PALS1: variants seen among roughly 807,000 people sequenced by gnomAD.
The protein encoded by PALS1 is protein PALS1.
Under a neutral mutation model 78.9 loss-of-function variants are expected in PALS1, and 31 were observed. That is an observed-to-expected ratio of 0.39 (90% confidence interval 0.30 to 0.53). The LOEUF is 0.53. PALS1 is among the 20% of genes least tolerant of loss of function. The pLI is 0.67. For missense variants in PALS1, 704 were observed against 826.5 expected, an observed-to-expected ratio of 0.85 and a Z score of 1.82; for synonymous variants, 276 against 270.9, an observed-to-expected ratio of 1.02 and a Z score of -0.18.
intron 11 of PALS1, 98 bp from the exon 12 acceptor site, chr14:67,320,132 G>C: frequency 9.6e-7 from 1 of 1,044,912 alleles, no homozygotes; most frequent in South Asian, 1.9e-5. Context: ...ACAATAAATT[G>C]TGCTTTTGTC....
intron 8 of PALS1, among the ~76,000 whole-genome samples, chr14:67,305,219 T>C (rs1426225910): frequency 6.6e-6 from 1 of 152,202 alleles, no homozygotes; most frequent in East Asian, 1.9e-4. Context: ...CTTACTTATC[T>C]ACAATAATCC....
At chr14:67,291,399 C>T (rs973303831) in intron 3 of PALS1, among the ~76,000 whole-genome samples, 2 of 151,896 alleles carry the variant, frequency 1.3e-5, no homozygotes, top group South Asian at 2.1e-4. Context: ...GGTTCTCCTG[C>T]CTCGCCTCCG....
intron 14 of PALS1, among the ~76,000 whole-genome samples, chr14:67,327,189 T>G (rs2085371301): frequency 6.6e-6 from 1 of 152,128 alleles, no homozygotes; most frequent in Admixed American, 6.5e-5. Context: ...AGAAAAAATT[T>G]TTTTTGAGCT....
chr14:67,332,376 G>T (rs1242542758), intron 14 of PALS1, among the ~76,000 whole-genome samples: 1 of 152,176 alleles, frequency 6.6e-6, no homozygotes, highest in African/African-American at 2.4e-5. Flanking sequence ...TGGCATTTTA[G>T]GTCCTTGCTC....
At chr14:67,324,986 G>C (rs1422582492) in intron 14 of PALS1, among the ~76,000 whole-genome samples, 3 of 139,184 alleles carry the variant, frequency 2.2e-5, no homozygotes, top group Non-Finnish European at 4.5e-5. Flanking sequence ...CTGACTGCAA[G>C]CTCCGCCTCC....
rs61990940 is a variant in PALS1 at position 67,303,519 on chromosome 14, C to T, written c.964-3C>T. 3 of 1,607,878 alleles carry T rather than the reference C, an allele frequency of 1.9e-6. No individual in the cohort carries two copies. The highest frequency in any genetic ancestry group is 2.6e-6 in the Non-Finnish European group (3 of 1,174,350). ...AAAAAATAACCTGATCTTTCTATTACAGTCTGATATGCATGGTACTTTGAC... is the reference window on the plus strand; with the variant it reads ...AAAAAATAACCTGATCTTTCTATTATAGTCTGATATGCATGGTACTTTGAC... On this transcript the variant is annotated splice_polypyrimidine_tract_variant and splice_region_variant and intron_variant, in intron 7 of 14. Coordinates refer to ENST00000261681, the MANE Select transcript of PALS1 (RefSeq NM_022474.4).
At position 67,292,544 on chromosome 14, in the gene PALS1, T is replaced by C. The variant is rs781180972; in HGVS notation, c.401T>C (p.Ile134Thr). The C allele has an allele frequency of 3.7e-6, 6 of 1,613,218 alleles. No individual in the cohort carries two copies. The highest frequency in any genetic ancestry group is 5.1e-6 in the Non-Finnish European group (6 of 1,179,286). ...GACTTGTTTTCTTCACTTAAACATA[T>C]CCAACATACTTTGGTAGATTCTCAG... ...IEDLFSSLKH[I>T]QHTLVDSQSQ... is the part of the protein sequence containing the mutation. The change falls in exon 4 of 15, where the codon ATC (isoleucine) becomes ACC (threonine). Residue 134 changes from isoleucine to threonine, a missense_variant. By Grantham distance (89) the Ile-to-Thr change is moderately conservative. Coordinates refer to ENST00000261681, the MANE Select transcript of PALS1 (RefSeq NM_022474.4).
At chr14:67,246,036 CTT>C (rs899747816) in intron 1 of PALS1, among the ~76,000 whole-genome samples, 24 of 151,992 alleles carry the variant, frequency 1.6e-4, no homozygotes, top group African/African-American at 5.8e-4. Flanking sequence ...CCTCTTGTCT[CTT>C]TGTCAAAAGC....
Position 67,257,598 on chromosome 14 carries a change from T to TA in PALS1, c.-236-12093dup, listed in dbSNP as rs937316883. ...TCATAATAAATGCTCAACAGATAAC[T>TA]AAAAAAAAAAGAAATGGCATGTATG... On this transcript the variant is annotated intron_variant, in intron 1 of 14. Transcript: ENST00000261681. Among the ~76,000 whole-genome samples, 36 of 145,654 alleles carry TA rather than the reference T, an allele frequency of 2.5e-4. 1 individual carries two copies. Among genetic ancestry groups the TA allele is most frequent in the South Asian group, 4.3e-4 (2 of 4,608 alleles).
chr14:67,293,329 G>A (rs2084801400), intron 4 of PALS1, among the ~76,000 whole-genome samples: 1 of 151,988 alleles, frequency 6.6e-6, no homozygotes, highest in Non-Finnish European at 1.5e-5. Flanking sequence ...TCCTGTTTTG[G>A]GGAGTAGACA....
At chr14:67,293,905 A>G (rs1396477058) in intron 4 of PALS1, among the ~76,000 whole-genome samples, 3 of 152,180 alleles carry the variant, frequency 2.0e-5, no homozygotes, top group Non-Finnish European at 4.4e-5. Flanking sequence ...TGAGAGAAGC[A>G]AGACAGATCA....
rs981532846 is a variant in PALS1, at chr14:67,332,688, G to A, written c.1852-92G>A. 9 of 1,269,656 alleles carry A rather than the reference G, an allele frequency of 7.1e-6. No individual in the cohort carries two copies. The African/African-American group carries it at 1.1e-4, about 15-fold the overall frequency. The allele number at this position is 1,269,656 out of a possible 1,614,324, so 78.6% of individuals were successfully genotyped here. A position where few individuals can be genotyped will look rare whatever the true frequency, so the allele number is the denominator to read the frequency against. On this transcript the variant is annotated intron_variant, in intron 14 of 14. Transcript: ENST00000261681. ...GGAGAGACAGAAGGAAAGCTATGAA[G>A]GTCGCTCCTTGTTCTTTGGCCATCT...
chr14:67,297,717 TG>T (rs1332706976), intron 4 of PALS1, among the ~76,000 whole-genome samples: 3 of 152,204 alleles, frequency 2.0e-5, no homozygotes, highest in Admixed American at 6.5e-5. Flanking sequence ...AGTGTCTATG[TG>T]GGTAATAAAG....
At chr14:67,256,571 G>A (rs7151684) in intron 1 of PALS1, among the ~76,000 whole-genome samples, 23,395 of 151,710 alleles carry the variant, frequency 0.15, 3,391 homozygotes, top group East Asian at 0.42. Context: ...TTTTTGAGAT[G>A]GAGTCTCGCT....
intron 1 of PALS1, among the ~76,000 whole-genome samples, chr14:67,252,955 T>G (rs532094822): frequency 2.6e-5 from 4 of 152,286 alleles, no homozygotes; most frequent in African/African-American, 9.6e-5. Flanking sequence ...TTGATTAGCT[T>G]TTTCTACAAA....
chr14:67,260,515 A>G (rs1414597233), intron 1 of PALS1, among the ~76,000 whole-genome samples: 3 of 152,226 alleles, frequency 2.0e-5, no homozygotes, highest in African/African-American at 4.8e-5. Flanking sequence ...AAGGTAGACA[A>G]TAAATGCTAC....
chr14:67,300,550 A>G (rs2084917249), intron 4 of PALS1, among the ~76,000 whole-genome samples: 1 of 152,060 alleles, frequency 6.6e-6, no homozygotes, highest in South Asian at 2.1e-4. Context: ...CTGGTCTCGA[A>G]CTCCTGACCT....
intron 14 of PALS1, among the ~76,000 whole-genome samples, chr14:67,330,759 T>C (rs73284810): frequency 0.16 from 23,619 of 152,230 alleles, 3,466 homozygotes; most frequent in East Asian, 0.42. Flanking sequence ...GCACCCCGCT[T>C]CCTTGTTTTT....
intron 1 of PALS1, among the ~76,000 whole-genome samples, chr14:67,246,385 C>A (rs892767940): frequency 9.9e-5 from 15 of 151,636 alleles, no homozygotes; most frequent in African/African-American, 3.6e-4. Flanking sequence ...CACTCTGTCA[C>A]CCAGGCTGGA....
Sources: gnomAD v4.1 joint callset for allele counts (sites outside exome capture counted in the v4.1 genomes callset) on GRCh38, gnomAD v4.1.1 for gene constraint, MANE v1.5 for transcripts, NCBI Gene and HGNC (gene_info 2026-07-23, HGNC 2026-07-21) for gene names.